The following HPCAL1 variants were observed in gnomAD, a reference collection of about 807,000 sequenced individuals.
The protein encoded by HPCAL1 is hippocalcin-like protein 1.
Under a neutral mutation model 17.1 loss-of-function variants are expected in HPCAL1, and 8 were observed. The ratio of observed to expected loss-of-function variants is 0.47; its 90% CI spans 0.27 to 0.84. The LOEUF is 0.84. Ranked by LOEUF, HPCAL1 falls within the 40% of genes least tolerant of loss-of-function variation. HPCAL1 has a pLI of 0.13. For missense variants in HPCAL1, 165 were observed against 271.1 expected, an observed-to-expected ratio of 0.61 and a Z score of 2.75; for synonymous variants, 112 against 111.4, an observed-to-expected ratio of 1.01 and a Z score of -0.03.
chr2:10,333,670 T>C (rs1664529015), intron 1 of HPCAL1, among the ~76,000 whole-genome samples: 1 of 152,238 alleles, frequency 6.6e-6, no homozygotes, highest in African/African-American at 2.4e-5. Context: ...TTTACCCAAA[T>C]ATTCTATGTC....
At chr2:10,380,187 C>G (rs542533560) in intron 1 of HPCAL1, among the ~76,000 whole-genome samples, 1 of 152,358 alleles carries the variant, frequency 6.6e-6, no homozygotes, top group South Asian at 2.1e-4. Flanking sequence ...AAATGCAGCT[C>G]TCAGTCAGAA....
At chr2:10,420,441 C>T (rs1670992210) in intron 3 of HPCAL1, among the ~76,000 whole-genome samples, 2 of 152,062 alleles carry the variant, frequency 1.3e-5, no homozygotes. Context: ...AGCGATCTGC[C>T]CGCCTCAGCC....
rs367740005 is a variant in HPCAL1, at chr2:10,408,223, A to C, written c.-25+11303A>C. Among the ~76,000 whole-genome samples, 19 of 152,274 alleles carry C rather than the reference A, an allele frequency of 1.2e-4. No individual in the cohort carries two copies. The East Asian group carries it at 2.5e-3, about 20-fold the overall frequency. ...AGCCTTGAGAGGGTGGAAAAGAAGGAGAGATTGGTAGAGGAAGGGGATTTC... is the reference window on the plus strand; with the variant it reads ...AGCCTTGAGAGGGTGGAAAAGAAGGCGAGATTGGTAGAGGAAGGGGATTTC... On this transcript the variant is annotated intron_variant, in intron 2 of 4. Transcript: ENST00000307845.
At chr2:10,376,804 A>C (rs984692411) in intron 1 of HPCAL1, among the ~76,000 whole-genome samples, 2 of 152,138 alleles carry the variant, frequency 1.3e-5, no homozygotes, top group African/African-American at 4.8e-5. Flanking sequence ...ACATTTTTAC[A>C]TACTGTATTG....
In HPCAL1 at chr2:10,330,767, G is replaced by A. The variant is rs1270002259; in HGVS notation, c.-111+27590G>A. Among the ~76,000 whole-genome samples the A allele has an allele frequency of 1.3e-5, 2 of 152,200 alleles. No individual in the cohort carries two copies. Among genetic ancestry groups the A allele is most frequent in the Admixed American group, 6.5e-5 (1 of 15,284 alleles). ...TGGGGCTTCCACATAGGGGTTTTGT[G>A]GGGGACACACTCAGTCCACGTTAAC... On this transcript the variant is annotated intron_variant, in intron 1 of 4. Coordinates refer to ENST00000307845, the MANE Select transcript of HPCAL1 (RefSeq NM_002149.4). This position sits in a 1 kb window ranked among gnomAD's most constrained non-coding sequence, Gnocchi z 4.2.
At chr2:10,375,376 C>T (rs1009982928) in intron 1 of HPCAL1, among the ~76,000 whole-genome samples, 2 of 152,302 alleles carry the variant, frequency 1.3e-5, no homozygotes, top group Non-Finnish European at 2.9e-5. Context: ...ACTCAGTGGC[C>T]CCTCCCAGGA....
intron 3 of HPCAL1, among the ~76,000 whole-genome samples, chr2:10,421,921 C>G (rs9917369): frequency 6.6e-6 from 1 of 152,054 alleles, no homozygotes; most frequent in Non-Finnish European, 1.5e-5. Context: ...CTGGTACTGT[C>G]GTCACTTTCT....
chr2:10,422,881 G>A (rs1671150275), intron 3 of HPCAL1, 102 bp from the exon 4 acceptor site: 1 of 760,572 alleles, frequency 1.3e-6, no homozygotes, highest in South Asian at 1.6e-5. Context: ...GGGAGCCCCT[G>A]ACCTCTCCGA....
intron 2 of HPCAL1, among the ~76,000 whole-genome samples, chr2:10,411,868 C>A (rs1182375525): frequency 6.6e-6 from 1 of 152,222 alleles, no homozygotes; most frequent in Non-Finnish European, 1.5e-5. Context: ...AGACTTCCCT[C>A]AACTCACCCA....
intron 1 of HPCAL1, among the ~76,000 whole-genome samples, chr2:10,340,712 A>C (rs1169281908): frequency 6.6e-6 from 1 of 152,160 alleles, no homozygotes; most frequent in African/African-American, 2.4e-5. Flanking sequence ...TTTCAGACTG[A>C]GTCTTATCCC....
rs895412592 is a variant in HPCAL1 at position 10,377,233 on chromosome 2, C to T, written c.-110-19602C>T. 3.3e-5 allele frequency among the ~76,000 whole-genome samples: 5 copies of T among 152,144 alleles called. No homozygotes were observed. The highest frequency in any genetic ancestry group is 5.9e-5 in the Non-Finnish European group (4 of 68,022). ...GGTGTGAGGAGGCTGCCACGCAGGC[C>T]GCGCCGCCCCGAATGGCAGGTGGAA... On this transcript the variant is annotated intron_variant, in intron 1 of 4. Coordinates refer to ENST00000307845, the MANE Select transcript of HPCAL1 (RefSeq NM_002149.4). The surrounding 1 kb of genome is among the most constrained non-coding windows in gnomAD (Gnocchi z 5.9).
intron 2 of HPCAL1, among the ~76,000 whole-genome samples, chr2:10,403,924 T>G (rs928499473): frequency 9.9e-5 from 15 of 152,226 alleles, no homozygotes; most frequent in Non-Finnish European, 1.9e-4. Flanking sequence ...TTGGTCTGAA[T>G]TCCTAAGTTT....
intron 1 of HPCAL1, among the ~76,000 whole-genome samples, chr2:10,335,162 G>T (rs183245343): frequency 6.6e-6 from 1 of 152,260 alleles, no homozygotes; most frequent in Admixed American, 6.5e-5. Context: ...CCCTTCCCTC[G>T]GGTGTTGGCT....
chr2:10,423,220 G>A (rs561937505), intron 4 of HPCAL1, 132 bp downstream of exon 4: 15 of 686,734 alleles, frequency 2.2e-5, no homozygotes, highest in Admixed American at 6.4e-5. Flanking sequence ...CCTGCCTGGC[G>A]CCTGCCATGC....
rs114418065 is a variant in HPCAL1, at chr2:10,315,612, G to C, written c.-111+12435G>C. Among the ~76,000 whole-genome samples the C allele has an allele frequency of 6.6e-3, 999 of 152,206 alleles. 11 individuals carry two copies. Among genetic ancestry groups the C allele is most frequent in the African/African-American group, 0.023 (937 of 41,542 alleles). ...GCTGGCATCCATAATTTCCATACTT[G>C]TGATTATTTAAATTAATGGAAATTT... is the stretch of plus-strand genomic sequence containing the variant. On this transcript the variant is annotated intron_variant, in intron 1 of 4. Transcript: ENST00000307845.
chr2:10,312,072 TCAC>T (rs1233923494), intron 1 of HPCAL1, among the ~76,000 whole-genome samples: 2 of 150,076 alleles, frequency 1.3e-5, no homozygotes, highest in Non-Finnish European at 3.0e-5. Context: ...ATCCCCACCA[TCAC>T]CACCATCATT....
At chr2:10,390,958 G>C (rs556415691) in intron 1 of HPCAL1, among the ~76,000 whole-genome samples, 21 of 152,194 alleles carry the variant, frequency 1.4e-4, no homozygotes, top group Non-Finnish European at 2.4e-4. Context: ...CCTGGGGTCC[G>C]GCACCACCTT....
chr2:10,309,909 T>C (rs968371923), intron 1 of HPCAL1, among the ~76,000 whole-genome samples: 2 of 152,188 alleles, frequency 1.3e-5, no homozygotes, highest in African/African-American at 2.4e-5. Context: ...AGAACTCTCA[T>C]GGTGGACAGA....
chr2:10,356,079 G>A (rs1000515707), intron 1 of HPCAL1, among the ~76,000 whole-genome samples: 2 of 152,138 alleles, frequency 1.3e-5, no homozygotes, highest in East Asian at 1.9e-4. Context: ...CCTAACTGGC[G>A]AGGGAACCGC....
Sources: gnomAD v4.1 joint callset for allele counts (sites outside exome capture counted in the v4.1 genomes callset) on GRCh38, gnomAD v4.1.1 for gene constraint, Gnocchi (gnomAD v3.1) non-coding constraint, MANE v1.5 for transcripts, NCBI Gene and HGNC (gene_info 2026-07-23, HGNC 2026-07-21) for gene names.